The following CCSER1 variants were observed in gnomAD, a reference collection of about 807,000 sequenced individuals.
The protein encoded by CCSER1 is coiled-coil serine rich protein 1, also known as serine-rich coiled-coil domain-containing protein 1.
In CCSER1, 41 loss-of-function variants were observed where a neutral mutation model predicts 82.0. The observed-to-expected ratio is 0.50, with a 90% CI of 0.39 to 0.65. The LOEUF is 0.65. Among genes scored for constraint, CCSER1 ranks in the 30% least tolerant of loss-of-function variants. The pLI is 0.00. For synonymous variants in CCSER1, 414 were observed against 383.9 expected (o/e 1.08, Z -0.92); for missense variants, 1,119 against 1,064.2 (o/e 1.05, Z -0.72).
chr4:91,128,052 G>T (rs1214472961), intron 10 of CCSER1, among the ~76,000 whole-genome samples: 1 of 151,982 alleles, frequency 6.6e-6, no homozygotes, highest in African/African-American at 2.4e-5. Context: ...TGTTAGTCCT[G>T]CTGCTGCTCC....
At chr4:91,427,713 T>G (rs571160345) in intron 10 of CCSER1, among the ~76,000 whole-genome samples, 1 of 152,256 alleles carries the variant, frequency 6.6e-6, no homozygotes, top group Non-Finnish European at 1.5e-5. Flanking sequence ...GCCATTATTC[T>G]TATAAAATAA....
chr4:90,195,240 C>G (rs1037405751), intron 1 of CCSER1, among the ~76,000 whole-genome samples: 3 of 151,928 alleles, frequency 2.0e-5, no homozygotes, highest in African/African-American at 7.3e-5. Context: ...TAAGTGTGAC[C>G]CATCCAGACA....
At chr4:91,247,215 T>C (rs1739863952) in intron 10 of CCSER1, among the ~76,000 whole-genome samples, 1 of 148,782 alleles carries the variant, frequency 6.7e-6, no homozygotes. Context: ...GGCAGGAGAA[T>C]GGCATGAACC....
chr4:90,872,349 A>G (rs1421566882), intron 8 of CCSER1, among the ~76,000 whole-genome samples: 1 of 150,966 alleles, frequency 6.6e-6, no homozygotes, highest in African/African-American at 2.4e-5. Flanking sequence ...GCTTTTTATT[A>G]TTTGTGTATC....
chr4:90,884,889 T>C (rs914403211), intron 8 of CCSER1, among the ~76,000 whole-genome samples: 1 of 152,124 alleles, frequency 6.6e-6, no homozygotes, highest in East Asian at 1.9e-4. Flanking sequence ...GGATGATTTT[T>C]GAAATATAGG....
intron 5 of CCSER1, among the ~76,000 whole-genome samples, chr4:90,619,640 A>G (rs1286555474): frequency 6.6e-6 from 1 of 152,070 alleles, no homozygotes; most frequent in Non-Finnish European, 1.5e-5. Flanking sequence ...TGGGAAAGAA[A>G]CCCAATGTAT....
At chr4:90,903,737 C>T (rs148437599) in intron 8 of CCSER1, among the ~76,000 whole-genome samples, 3,105 of 151,520 alleles carry the variant, frequency 0.02, 112 homozygotes, top group African/African-American at 0.07. Context: ...ACTCAGGAGA[C>T]TGAGGCAGGA....
At chr4:90,208,377 C>G (rs535039045) in intron 1 of CCSER1, among the ~76,000 whole-genome samples, 1 of 152,170 alleles carries the variant, frequency 6.6e-6, no homozygotes, top group Non-Finnish European at 1.5e-5. Flanking sequence ...TGTCCCATGT[C>G]GACTTCAGAC....
At chr4:91,195,388 A>G (rs867501716) in intron 10 of CCSER1, among the ~76,000 whole-genome samples, 12 of 152,222 alleles carry the variant, frequency 7.9e-5, no homozygotes, top group Non-Finnish European at 2.9e-5. Context: ...GGTAATTTAG[A>G]AACCACAATG....
At chr4:90,151,735 G>T (rs901575330) in intron 1 of CCSER1, among the ~76,000 whole-genome samples, 2 of 151,982 alleles carry the variant, frequency 1.3e-5, no homozygotes, top group African/African-American at 2.4e-5. Context: ...TTTTCCATTT[G>T]TTCAGTTATT....
chr4:90,241,950 G>A (rs1033864080), intron 1 of CCSER1, among the ~76,000 whole-genome samples: 9 of 152,148 alleles, frequency 5.9e-5, no homozygotes, highest in African/African-American at 2.2e-4. Context: ...AATCTAGTTA[G>A]TTAAATCTAC....
In CCSER1 at chr4:90,942,377, C is replaced by T. The variant is rs185243484; in HGVS notation, c.2172+18930C>T. Reference sequence around the variant, plus strand: ...TAAGCATATTATTTTATCTCTTACACCAAATCGTACTTTTTGAATCTATGC... The same window carrying T: ...TAAGCATATTATTTTATCTCTTACATCAAATCGTACTTTTTGAATCTATGC... On this transcript the variant is annotated intron_variant, in intron 9 of 10. Transcript: ENST00000509176. Among the ~76,000 whole-genome samples, 27 of 152,280 alleles carry T rather than the reference C, an allele frequency of 1.8e-4. No individual in the cohort carries two copies. In the East Asian group the frequency reaches 4.4e-3, roughly 25 times the overall value.
chr4:91,349,493 G>A (rs192788847), intron 10 of CCSER1, among the ~76,000 whole-genome samples: 3 of 152,284 alleles, frequency 2.0e-5, no homozygotes, highest in Admixed American at 6.5e-5. Context: ...TACTGAGCCT[G>A]TGCACCTTAT....
In CCSER1 at chr4:90,131,978, T is replaced by C. The variant is rs1328642616; in HGVS notation, c.-42+4147T>C. ...CATTCAATATGACACCCCAGAAGTA[T>C]GTTTTGGTGACAGTAAAGAAATTGC... On this transcript the variant is annotated intron_variant, in intron 1 of 10. Coordinates refer to ENST00000509176, the MANE Select transcript of CCSER1 (RefSeq NM_001145065.2). Among the ~76,000 whole-genome samples the C allele has an allele frequency of 2.0e-5, 3 of 152,214 alleles. No homozygotes were observed. The East Asian group carries it at 5.8e-4, about 29-fold the overall frequency.
At chr4:90,559,510 C>T (rs1778483345) in intron 5 of CCSER1, among the ~76,000 whole-genome samples, 3 of 152,016 alleles carry the variant, frequency 2.0e-5, no homozygotes, top group Admixed American at 6.5e-5. Context: ...AGAGGAAGTC[C>T]CTTCGGCTGA....
rs1293796967 is a variant in CCSER1, at chr4:91,558,435, T to C, written c.2218-40137T>C. Among the ~76,000 whole-genome samples the C allele has an allele frequency of 2.6e-5, 4 of 151,704 alleles. No individual in the cohort carries two copies. The East Asian group carries it at 7.7e-4, about 29-fold the overall frequency. Reference sequence around the variant, plus strand: ...TAACAATGTGAGTTTTTTTTGTTTGTTTATAAATGTCTTGCTAATTGTAAT... The same window carrying C: ...TAACAATGTGAGTTTTTTTTGTTTGCTTATAAATGTCTTGCTAATTGTAAT... On this transcript the variant is annotated intron_variant, in intron 10 of 10. Coordinates refer to ENST00000509176, the MANE Select transcript of CCSER1 (RefSeq NM_001145065.2).
chr4:91,246,827 T>TACACACACACACACACACAC (rs34278711), intron 10 of CCSER1, among the ~76,000 whole-genome samples: 1 of 144,080 alleles, frequency 6.9e-6, no homozygotes, highest in African/African-American at 2.6e-5. Flanking sequence ...CATACACACA[T>TACACACACACACACACACAC]ACACACACAC....
intron 10 of CCSER1, among the ~76,000 whole-genome samples, chr4:91,092,553 G>A (rs1724072009): frequency 1.3e-5 from 2 of 152,318 alleles, no homozygotes; most frequent in South Asian, 4.1e-4. Flanking sequence ...CTGTGCTGCT[G>A]TTTTAGCAAG....
At chr4:91,302,758 C>G (rs920708149) in intron 10 of CCSER1, among the ~76,000 whole-genome samples, 4 of 151,926 alleles carry the variant, frequency 2.6e-5, no homozygotes, top group Middle Eastern at 3.4e-3. Context: ...CTTTCTTATC[C>G]CTTAAAACTT....
Sources: gnomAD v4.1 joint callset for allele counts (sites outside exome capture counted in the v4.1 genomes callset) on GRCh38, gnomAD v4.1.1 for gene constraint, MANE v1.5 for transcripts, NCBI Gene and HGNC (gene_info 2026-07-23, HGNC 2026-07-21) for gene names.